The following NPSR1 variants were observed in gnomAD, a reference collection of about 807,000 sequenced individuals.
The protein encoded by NPSR1 is neuropeptide S receptor.
In NPSR1, 48 loss-of-function variants were observed where a neutral mutation model predicts 46.9. That is an observed-to-expected ratio of 1.02 (90% CI 0.81 to 1.30). The LOEUF is 1.30. NPSR1 is among the 50% of genes most tolerant of loss of function. NPSR1 has a pLI of 0.00. For synonymous variants in NPSR1, 176 were observed against 168.1 expected (o/e 1.05, Z -0.36); for missense variants, 450 against 449.5 (o/e 1.00, Z -0.01).
intron 4 of NPSR1, among the ~76,000 whole-genome samples, chr7:34,821,972 G>A (rs1169271159): frequency 6.6e-6 from 1 of 152,166 alleles, no homozygotes; most frequent in African/African-American, 2.4e-5. Context: ...GGGGAGACCT[G>A]CATCTGGAAT....
At chr7:34,872,156 A>T (rs1791470618) in intron 8 of NPSR1, among the ~76,000 whole-genome samples, 1 of 151,970 alleles carries the variant, frequency 6.6e-6, no homozygotes, top group Non-Finnish European at 1.5e-5. Context: ...GCATCTGAAG[A>T]CTTAACATCA....
At chr7:34,792,641 GTA>G (rs370959303) in intron 3 of NPSR1, among the ~76,000 whole-genome samples, 4,196 of 79,758 alleles carry the variant, frequency 0.053, 123 homozygotes, top group East Asian at 0.087. Flanking sequence ...GTGTGTATGT[GTA>G]TATATATATG....
intron 8 of NPSR1, among the ~76,000 whole-genome samples, chr7:34,860,729 C>T (rs1791170775): frequency 1.3e-5 from 2 of 151,802 alleles, no homozygotes; most frequent in African/African-American, 4.9e-5. Context: ...TGGAAAATTC[C>T]ACTGTACACA....
At chr7:34,751,303 C>T (rs1447224764) in intron 2 of NPSR1, 4 of 978,364 alleles carry the variant, frequency 4.1e-6, no homozygotes, top group Non-Finnish European at 6.7e-6. Flanking sequence ...CTGGGAGTTG[C>T]AGAAAGTGGT....
At chr7:34,664,618 A>ATTT (rs1791647306) in intron 1 of NPSR1, among the ~76,000 whole-genome samples, 2 of 100,802 alleles carry the variant, frequency 2.0e-5, no homozygotes, top group African/African-American at 1.3e-4. Flanking sequence ...CTTTTTTTTA[A>ATTT]AAAAAAAAAA....
At chr7:34,737,563 T>A (rs1429804679) in intron 2 of NPSR1, among the ~76,000 whole-genome samples, 1 of 152,220 alleles carries the variant, frequency 6.6e-6, no homozygotes, top group African/African-American at 2.4e-5. Flanking sequence ...AACTTTCATA[T>A]TCTAAACCGA....
At chr7:34,771,603 C>T (rs1786688409) in intron 2 of NPSR1, among the ~76,000 whole-genome samples, 2 of 152,088 alleles carry the variant, frequency 1.3e-5, no homozygotes, top group Admixed American at 6.6e-5. Flanking sequence ...GACAGGGACT[C>T]ATATCTGCAC....
intron 3 of NPSR1, among the ~76,000 whole-genome samples, chr7:34,795,336 A>G (rs1349562502): frequency 6.6e-6 from 1 of 152,194 alleles, no homozygotes; most frequent in African/African-American, 2.4e-5. Context: ...AGAAACTATG[A>G]GCTTTCTTGC....
At chr7:34,847,825 A>G (rs1175779851) in intron 7 of NPSR1, among the ~76,000 whole-genome samples, 1 of 152,204 alleles carries the variant, frequency 6.6e-6, no homozygotes, top group Non-Finnish European at 1.5e-5. Context: ...TCCGCAGCCC[A>G]GTCAAGTAGT....
At chr7:34,792,734 T>TATTTTTA (rs58315247) in intron 3 of NPSR1, among the ~76,000 whole-genome samples, 5 of 123,278 alleles carry the variant, frequency 4.1e-5, no homozygotes, top group Non-Finnish European at 6.8e-5. Flanking sequence ...TATATATATA[T>TATTTTTA]TAGCCAGGCA....
chr7:34,796,593 C>T (rs572532294), intron 3 of NPSR1, among the ~76,000 whole-genome samples: 67 of 152,252 alleles, frequency 4.4e-4, no homozygotes, highest in African/African-American at 1.6e-3. Flanking sequence ...TTATGAATAT[C>T]TTTGTTATTA....
chr7:34,826,021 T>G (rs1016142227), intron 4 of NPSR1, among the ~76,000 whole-genome samples: 3 of 152,160 alleles, frequency 2.0e-5, no homozygotes, highest in African/African-American at 7.2e-5. Context: ...AATTACTAAT[T>G]TTCATGTAAT....
intron 8 of NPSR1, among the ~76,000 whole-genome samples, chr7:34,862,169 T>C (rs1156418533): frequency 2.6e-5 from 4 of 151,712 alleles, no homozygotes; most frequent in African/African-American, 9.8e-5. Context: ...ATTGACTTCC[T>C]GTCTGCCAAA....
At chr7:34,726,056 T>A (rs1784133508) in intron 2 of NPSR1, among the ~76,000 whole-genome samples, 1 of 152,206 alleles carries the variant, frequency 6.6e-6, no homozygotes, top group Non-Finnish European at 1.5e-5. Flanking sequence ...CAGTTAAACC[T>A]CTTTCCTTTA....
chr7:34,850,017 G>T (rs1196917224), downstream of NPSR1: 7 of 1,008,220 alleles, frequency 6.9e-6, no homozygotes, highest in African/African-American at 1.0e-4. Flanking sequence ...GGTTATACAT[G>T]AATATTCTCA....
At chr7:34,855,259 G>A (rs1791026079) in intron 8 of NPSR1, among the ~76,000 whole-genome samples, 8 of 151,722 alleles carry the variant, frequency 5.3e-5, no homozygotes, top group Admixed American at 5.2e-4. Flanking sequence ...AAGAATAGGA[G>A]TAAAATTAAT....
At chr7:34,693,990 A>G (rs1017507157) in intron 2 of NPSR1, among the ~76,000 whole-genome samples, 6 of 152,308 alleles carry the variant, frequency 3.9e-5, no homozygotes, top group African/African-American at 1.4e-4. Context: ...TTAGGCATCT[A>G]AGGAACATAC....
intron 2 of NPSR1, chr7:34,751,564 T>A: frequency 6.3e-7 from 1 of 1,596,506 alleles, no homozygotes; most frequent in Non-Finnish European, 8.6e-7. Context: ...CTTGGGATCT[T>A]TGGTCTTGTG....
chr7:34,676,266 A>T (rs1488307843), intron 1 of NPSR1, among the ~76,000 whole-genome samples: 1 of 152,206 alleles, frequency 6.6e-6, no homozygotes, highest in African/African-American at 2.4e-5. Flanking sequence ...TTATCTACCC[A>T]TCACAACTAT....
Sources: gnomAD v4.1 joint callset for allele counts (sites outside exome capture counted in the v4.1 genomes callset) on GRCh38, gnomAD v4.1.1 for gene constraint, MANE v1.5 for transcripts, NCBI Gene and HGNC (gene_info 2026-07-23, HGNC 2026-07-21) for gene names.